PHC2: variants seen among roughly 807,000 people sequenced by gnomAD.
PHC2 encodes the protein polyhomeotic-like protein 2.
PHC2 carries 29 observed loss-of-function variants against 87.4 expected under a neutral mutation model. The ratio of observed to expected loss-of-function variants is 0.33; its 90% CI spans 0.25 to 0.45. The LOEUF (loss-of-function observed/expected upper bound fraction) is 0.45. Ranked by LOEUF, PHC2 falls within the 20% of genes least tolerant of loss-of-function variation. The pLI, the probability that PHC2 is intolerant of heterozygous loss-of-function variation, is 1.00. For missense variants in PHC2, 857 were observed against 1,136.7 expected (o/e 0.75, Z 3.54); for synonymous variants, 438 against 461.7 (o/e 0.95, Z 0.66).
chr1:33,361,934 G>A (rs549959855), intron 7 of PHC2, among the ~76,000 whole-genome samples: 18 of 152,290 alleles, frequency 1.2e-4, no homozygotes, highest in African/African-American at 3.9e-4. Context: ...TCTGTTTTAC[G>A]GATGAGGAAA....
chr1:33,363,785 G>A (rs1239428063), intron 7 of PHC2: 4 of 985,218 alleles, frequency 4.1e-6, no homozygotes, highest in Non-Finnish European at 4.8e-6. Flanking sequence ...ACTAGAATGA[G>A]GACTCCAAGA....
chr1:33,344,666 C>A (rs1412342552), intron 9 of PHC2, among the ~76,000 whole-genome samples: 1 of 152,148 alleles, frequency 6.6e-6, no homozygotes. Context: ...TGCAGTGGCA[C>A]GATCATGGCT....
chr1:33,371,416 C>T (rs1647829200), intron 3 of PHC2, among the ~76,000 whole-genome samples: 1 of 152,118 alleles, frequency 6.6e-6, no homozygotes, highest in African/African-American at 2.4e-5. Flanking sequence ...CGGCCACCAC[C>T]ATCACACCCA....
At chr1:33,415,146 C>T (rs1311550512) in intron 1 of PHC2, among the ~76,000 whole-genome samples, 2 of 152,088 alleles carry the variant, frequency 1.3e-5, no homozygotes, top group African/African-American at 4.8e-5. Context: ...ATTAGACATC[C>T]AGGAGGGCAA....
chr1:33,410,104 T>C (rs1431622179), intron 1 of PHC2, among the ~76,000 whole-genome samples: 1 of 152,050 alleles, frequency 6.6e-6, no homozygotes, highest in Non-Finnish European at 1.5e-5. Context: ...CTGCCCCCAC[T>C]CCTTTATGGA....
chr1:33,370,540 C>A lies in PHC2; in HGVS notation c.457G>T (p.Ala153Ser). 3 of 1,613,898 alleles carry A rather than the reference C, an allele frequency of 1.9e-6. 1 individual carries two copies. Among genetic ancestry groups the A allele is most frequent in the Non-Finnish European group, 8.5e-7 (1 of 1,179,864 alleles). ...GCTGCTGCAGAGTTCACACTCTGGGCCCGGTTGAGGAGCTGGGCTGCTGCT... is the reference window on the plus strand; with the variant it reads ...GCTGCTGCAGAGTTCACACTCTGGGACCGGTTGAGGAGCTGGGCTGCTGCT... ...SPAAAQLLNR[A>S]QSVNSAAASG... The change falls in exon 5 of 15, where the codon GCC becomes TCC. Residue 153 changes from alanine (A) to serine (S), a missense_variant. This residue lies in a region of PHC2 where 832 missense variants were observed against 1,081.8 expected (regional missense o/e 0.77). Coordinates refer to ENST00000683057, the MANE Select transcript of PHC2 (RefSeq NM_001385109.1).
At chr1:33,416,584 GA>G (rs61591207) in intron 1 of PHC2, among the ~76,000 whole-genome samples, 1,306 of 115,852 alleles carry the variant, frequency 0.011, 7 homozygotes, top group Middle Eastern at 0.025. Context: ...TCAAAAAAAA[GA>G]AAAAAAAAAA....
chr1:33,371,106 C>G lies in PHC2; in HGVS notation c.334-12G>C, dbSNP rs1647803053. The G allele has an allele frequency of 6.2e-7, 1 of 1,611,554 alleles. No homozygotes were observed. Among genetic ancestry groups the G allele is most frequent in the Non-Finnish European group, 8.5e-7 (1 of 1,177,836 alleles). On this transcript the variant is annotated splice_polypyrimidine_tract_variant and intron_variant, in intron 3 of 14. Transcript: ENST00000683057. ...GATACCAGGCTTGCCTAGGAAAGAACAAACTCCTCTTGCTAGAGTCCCAGA... is the reference window on the plus strand; with the variant it reads ...GATACCAGGCTTGCCTAGGAAAGAAGAAACTCCTCTTGCTAGAGTCCCAGA...
At chr1:33,389,696 T>C (rs965797947) in intron 1 of PHC2, among the ~76,000 whole-genome samples, 1 of 152,194 alleles carries the variant, frequency 6.6e-6, no homozygotes, top group Non-Finnish European at 1.5e-5. Flanking sequence ...AGCAGAAACA[T>C]AGCATGCACA....
intron 7 of PHC2, among the ~76,000 whole-genome samples, chr1:33,357,039 T>C (rs1647103470): frequency 6.6e-6 from 1 of 152,252 alleles, no homozygotes; most frequent in Admixed American, 6.5e-5. Flanking sequence ...GAGATTGTCT[T>C]TGCACAGATC....
chr1:33,412,090 A>C (rs6675663), intron 1 of PHC2, among the ~76,000 whole-genome samples: 108,958 of 152,012 alleles, frequency 0.72, 39,830 homozygotes, highest in African/African-American at 0.86. Flanking sequence ...AGGTACTAGG[A>C]AGTGCAATAA....
chr1:33,370,306 TCCTGCC>T, intron 5 of PHC2, 109 bp downstream of exon 5: 2 of 949,002 alleles, frequency 2.1e-6, no homozygotes, highest in Non-Finnish European at 3.2e-6. Context: ...ACCCCTTATC[TCCTGCC>T]CCTGCCCCTA....
chr1:33,359,092 C>T (rs1647147565), intron 7 of PHC2: 1 of 152,198 alleles, frequency 6.6e-6, no homozygotes, highest in Non-Finnish European at 1.5e-5. Flanking sequence ...TGACACCTAT[C>T]TCAGAGTTAT....
chr1:33,407,665 C>G (rs568607487), intron 1 of PHC2, among the ~76,000 whole-genome samples: 1 of 152,290 alleles, frequency 6.6e-6, no homozygotes. Context: ...CCCTATAAGA[C>G]TACCAAAAAC....
intron 1 of PHC2, among the ~76,000 whole-genome samples, chr1:33,385,674 A>C (rs1648706736): frequency 6.6e-6 from 1 of 152,216 alleles, no homozygotes; most frequent in East Asian, 1.9e-4. Flanking sequence ...TTAGATTTTG[A>C]GACCGGCTGG....
intron 9 of PHC2, among the ~76,000 whole-genome samples, chr1:33,341,786 G>C (rs188846809): frequency 6.6e-6 from 1 of 152,326 alleles, no homozygotes; most frequent in East Asian, 1.9e-4. Context: ...TTGGAAGACA[G>C]TATCTTGTAA....
intron 9 of PHC2, among the ~76,000 whole-genome samples, chr1:33,337,117 C>T (rs1646654358): frequency 6.6e-6 from 1 of 152,108 alleles, no homozygotes; most frequent in Non-Finnish European, 1.5e-5. Flanking sequence ...TGGCTATTTC[C>T]TCCCAATTAG....
intron 9 of PHC2, among the ~76,000 whole-genome samples, chr1:33,348,722 G>C (rs1326284536): frequency 6.6e-6 from 1 of 152,176 alleles, no homozygotes; most frequent in Non-Finnish European, 1.5e-5. Context: ...TCATTGATTT[G>C]TAAGGGAAGA....
At chr1:33,325,890 G>GT (rs1361267032) in intron 14 of PHC2, 2 of 456,504 alleles carry the variant, frequency 4.4e-6, no homozygotes, top group African/African-American at 4.0e-5. Flanking sequence ...TGTGGAAAGC[G>GT]TGAGTGTCTA....
Sources: gnomAD v4.1 joint callset for allele counts (sites outside exome capture counted in the v4.1 genomes callset) on GRCh38, gnomAD v4.1.1 for gene constraint, gnomAD v4.1.1 regional missense constraint, MANE v1.5 for transcripts, NCBI Gene and HGNC (gene_info 2026-07-23, HGNC 2026-07-21) for gene names.